Variants in ALLC observed in about 807,000 individuals in gnomAD.
The protein encoded by ALLC is probable inactive allantoicase.
In ALLC, 40 loss-of-function variants were observed where a neutral mutation model predicts 45.0. That is an observed-to-expected ratio of 0.89 (90% confidence interval 0.69 to 1.16). ALLC has a LOEUF of 1.16. ALLC is among the 50% of genes most tolerant of loss of function. The probability of loss-of-function intolerance (pLI) is 0.00; values close to 1 mark genes in which losing one functional copy is unlikely to be tolerated. For synonymous variants in ALLC, 176 were observed against 178.1 expected (o/e 0.99, Z 0.09); for missense variants, 488 against 493.1 (o/e 0.99, Z 0.10).
At chr2:3,666,655 C>T (rs1666733037) in intron 1 of ALLC, among the ~76,000 whole-genome samples, 1 of 152,270 alleles carries the variant, frequency 6.6e-6, no homozygotes, top group Non-Finnish European at 1.5e-5. Context: ...GTCAGCATCA[C>T]CCAGCCTTGA....
intron 1 of ALLC, among the ~76,000 whole-genome samples, chr2:3,667,393 C>G (rs1362115743): frequency 2.6e-5 from 4 of 152,206 alleles, no homozygotes; most frequent in African/African-American, 9.6e-5. Context: ...TGAATGAGCA[C>G]AGAACCAGGT....
chr2:3,678,142 A>C (rs373569242), intron 3 of ALLC, among the ~76,000 whole-genome samples: 47 of 152,276 alleles, frequency 3.1e-4, no homozygotes, highest in African/African-American at 1.1e-3. Flanking sequence ...AGCCTCTCTC[A>C]CTTTAATACC....
At chr2:3,661,413 G>A (rs1413999800) in intron 1 of ALLC, among the ~76,000 whole-genome samples, 3 of 152,194 alleles carry the variant, frequency 2.0e-5, no homozygotes, top group Non-Finnish European at 4.4e-5. Flanking sequence ...CTTGGCCTGT[G>A]GGGGCTGCTG....
intron 10 of ALLC, among the ~76,000 whole-genome samples, chr2:3,700,648 A>G (rs114133733): frequency 3.4e-4 from 52 of 152,336 alleles, no homozygotes; most frequent in African/African-American, 1.2e-3. Flanking sequence ...ATAGTAGGTT[A>G]TATCAAATAC....
intron 1 of ALLC, among the ~76,000 whole-genome samples, chr2:3,666,155 G>A (rs1308125171): frequency 6.6e-6 from 1 of 152,164 alleles, no homozygotes; most frequent in African/African-American, 2.4e-5. Flanking sequence ...CATGCCCCAC[G>A]TTACCAGGAC....
At chr2:3,664,756 G>T (rs138650285) in intron 1 of ALLC, among the ~76,000 whole-genome samples, 2 of 151,834 alleles carry the variant, frequency 1.3e-5, no homozygotes, top group Admixed American at 1.3e-4. Flanking sequence ...GTGGTGGTGC[G>T]CACCTGTAAT....
At chr2:3,691,317 ATCACAGG>A (rs1667511518) in intron 7 of ALLC, among the ~76,000 whole-genome samples, 1 of 151,806 alleles carries the variant, frequency 6.6e-6, no homozygotes, top group African/African-American at 2.4e-5. Flanking sequence ...CAGTGGTGCA[ATCACAGG>A]TCACTGCAGC....
intron 7 of ALLC, among the ~76,000 whole-genome samples, chr2:3,692,689 G>C (rs890408966): frequency 6.6e-6 from 1 of 152,166 alleles, no homozygotes; most frequent in Non-Finnish European, 1.5e-5. Flanking sequence ...GTCTCTAGGG[G>C]ACCTGTGGAA....
chr2:3,687,450 T>A lies in ALLC; in HGVS notation c.511+4376T>A, dbSNP rs938644161. ...TTTTGGTATCAGGGTAATACTGGCCTTGTAGAATGAGTTTGGAAGTACTCC... is the reference window on the plus strand; with the variant it reads ...TTTTGGTATCAGGGTAATACTGGCCATGTAGAATGAGTTTGGAAGTACTCC... On this transcript the variant is annotated intron_variant, in intron 7 of 11. Coordinates refer to ENST00000252505, the MANE Select transcript of ALLC (RefSeq NM_018436.4). Among the ~76,000 whole-genome samples, 5 of 151,026 alleles carry A rather than the reference T, an allele frequency of 3.3e-5. No homozygotes were observed. In the South Asian group the frequency reaches 1.0e-3, roughly 31 times the overall value.
intron 2 of ALLC, among the ~76,000 whole-genome samples, chr2:3,673,056 G>A (rs575880095): frequency 6.6e-6 from 1 of 152,248 alleles, no homozygotes; most frequent in Non-Finnish European, 1.5e-5. Context: ...GGGGGAATTG[G>A]GGTGGGAGGG....
At chr2:3,672,698 A>AGGTCCTCTGGCTCTGGTT (rs1666919710) in intron 2 of ALLC, among the ~76,000 whole-genome samples, 1 of 146,112 alleles carries the variant, frequency 6.8e-6, no homozygotes, top group African/African-American at 2.6e-5. Flanking sequence ...GTTAGATCGG[A>AGGTCCTCTGGCTCTGGTT]AGTCCTCTGG....
intron 1 of ALLC, among the ~76,000 whole-genome samples, chr2:3,667,774 A>AT (rs1666765280): frequency 6.6e-6 from 1 of 152,102 alleles, no homozygotes; most frequent in Admixed American, 6.5e-5. Flanking sequence ...AAATAAATAC[A>AT]TTTTTTTGAG....
At chr2:3,646,951 A>T in the ALLC span, among the ~76,000 whole-genome samples, 98,896 of 151,302 alleles carry the variant, frequency 0.65, 33,833 homozygotes, top group East Asian at 0.78. Flanking sequence ...GTCACTGAGC[A>T]GGTCATCTCA....
At chr2:3,657,830 CCT>C (rs769929452), upstream of ALLC, among the ~76,000 whole-genome samples, 279 of 152,346 alleles carry the variant, frequency 1.8e-3, no homozygotes, top group Non-Finnish European at 3.5e-3. Flanking sequence ...CCCAAGGGCC[CCT>C]GTCTTCTCTA....
intron 1 of ALLC, among the ~76,000 whole-genome samples, chr2:3,667,186 C>G (rs929514050): frequency 4.6e-5 from 7 of 152,160 alleles, no homozygotes; most frequent in African/African-American, 2.4e-5. Flanking sequence ...AGGGAGGTTC[C>G]TGAGCCCGCA....
chr2:3,654,695 T>A (rs2115901), upstream of ALLC, among the ~76,000 whole-genome samples: 1 of 152,202 alleles, frequency 6.6e-6, no homozygotes, highest in Admixed American at 6.5e-5. Flanking sequence ...CCCTCAGGTG[T>A]GCAGGAAACG....
rs1295752628 is a variant in ALLC at position 3,696,010 on chromosome 2, A to G, written c.667+138A>G. ...TGGATGAGATTAATCTTCCATGTGT[A>G]GGATTTGATGCCTTTATGACATGAA... is the stretch of plus-strand genomic sequence containing the variant. On this transcript the variant is annotated intron_variant, in intron 8 of 11. Coordinates refer to ENST00000252505, the MANE Select transcript of ALLC (RefSeq NM_018436.4). 9 of 1,032,484 alleles carry G rather than the reference A, an allele frequency of 8.7e-6. No individual in the cohort carries two copies. The East Asian group carries it at 1.6e-4, about 18-fold the overall frequency. The allele number at this position is 1,032,484 out of a possible 1,614,324, so 64.0% of individuals were successfully genotyped here. A position where few individuals can be genotyped will look rare whatever the true frequency, so the allele number is the denominator to read the frequency against.
rs1240138029 is a variant in ALLC at position 3,695,741 on chromosome 2, T to C, written c.536T>C (p.Val179Ala). ...FPDGGIARLR[V>A]FGTGQKDWTA... is the part of the protein sequence containing the mutation. ...GATGGTGGAATTGCACGACTTAGAG[T>C]ATTCGGTACTGGACAAAAAGACTGG... Residue 179 changes from valine (V) to alanine (A), a missense_variant, in exon 8 of 12, where the codon GTA (valine) becomes GCA (alanine). By Grantham distance (64) the Val-to-Ala change is moderately conservative. Coordinates refer to ENST00000252505, the MANE Select transcript of ALLC (RefSeq NM_018436.4). The C allele has an allele frequency of 2.5e-6, 4 of 1,613,756 alleles. No homozygotes were observed. The highest frequency in any genetic ancestry group is 2.2e-5 in the East Asian group (1 of 44,890).
chr2:3,682,990 C>A lies in ALLC; in HGVS notation c.427C>A (p.Pro143Thr). 6.2e-7 allele frequency: 1 copy of A among 1,613,944 alleles called. No homozygotes were observed. Among genetic ancestry groups the A allele is most frequent in the Non-Finnish European group, 8.5e-7 (1 of 1,179,868 alleles). The change falls in exon 7 of 12, where the codon CCA becomes ACA. Residue 143 changes from proline to threonine, a missense_variant. By Grantham distance (38) the Pro-to-Thr change is conservative. Transcript: ENST00000252505. ...SYLVPMTELK[P>T]GNPASGHNYF... ...CTTGGTTCCCATGACTGAGCTTAAG[C>A]CAGGAAACCCTGCTTCCGGCCACAA...
Sources: gnomAD v4.1 joint callset for allele counts (sites outside exome capture counted in the v4.1 genomes callset) on GRCh38, gnomAD v4.1.1 for gene constraint, MANE v1.5 for transcripts, NCBI Gene and HGNC (gene_info 2026-07-23, HGNC 2026-07-21) for gene names.